The following UPP2 variants were observed in gnomAD, a reference collection of about 807,000 sequenced individuals.
UPP2 encodes the protein uridine phosphorylase 2, also known as UPase 2.
In UPP2, 23 loss-of-function variants were observed where a neutral mutation model predicts 26.7. The ratio of observed to expected loss-of-function variants is 0.86; its 90% CI spans 0.62 to 1.22. UPP2 has a LOEUF of 1.22. UPP2 is among the 50% of genes most tolerant of loss of function. The pLI is 0.00. For synonymous variants in UPP2, 127 were observed against 141.3 expected, an observed-to-expected ratio of 0.90 and a Z score of 0.72; for missense variants, 387 against 396.7, an observed-to-expected ratio of 0.98 and a Z score of 0.21.
chr2:158,054,476 A>G (rs906939613), intron 3 of UPP2, among the ~76,000 whole-genome samples: 61 of 151,958 alleles, frequency 4.0e-4, no homozygotes, highest in African/African-American at 1.4e-3. Context: ...CCCTTGGAGA[A>G]TCATGGGCTT....
intron 5 of UPP2, 29 bp from the exon 6 acceptor site, chr2:158,123,720 G>A: frequency 6.2e-7 from 1 of 1,605,512 alleles, no homozygotes; most frequent in South Asian, 1.1e-5. Flanking sequence ...GGGACATCAA[G>A]TCACTAAACG....
intron 3 of UPP2, among the ~76,000 whole-genome samples, chr2:158,064,635 T>C (rs1351473577): frequency 2.0e-5 from 3 of 152,224 alleles, no homozygotes; most frequent in Admixed American, 2.0e-4. Flanking sequence ...CCATTGCTTT[T>C]GGTGTTTTAG....
intron 4 of UPP2, 145 bp downstream of exon 4, chr2:158,118,083 A>G (rs1574303796): frequency 2.1e-5 from 14 of 662,194 alleles, no homozygotes; most frequent in Middle Eastern, 8.4e-4. Flanking sequence ...AAACTTAAGG[A>G]AATCTGCCCA....
chr2:158,074,720 C>T (rs1682602544), intron 3 of UPP2, among the ~76,000 whole-genome samples: 1 of 151,468 alleles, frequency 6.6e-6, no homozygotes, highest in Non-Finnish European at 1.5e-5. Context: ...CACACACACA[C>T]ACACACAGAA....
intron 3 of UPP2, among the ~76,000 whole-genome samples, chr2:158,095,443 C>A (rs978733721): frequency 1.3e-5 from 2 of 152,142 alleles, no homozygotes; most frequent in Admixed American, 6.5e-5. Flanking sequence ...CTTCAACACC[C>A]AGATCAAATT....
chr2:158,100,905 TG>T (rs1207920390), upstream of UPP2, among the ~76,000 whole-genome samples: 2 of 152,132 alleles, frequency 1.3e-5, no homozygotes, highest in African/African-American at 2.4e-5. Flanking sequence ...AGGAGGCCAG[TG>T]GGGCATTCAA....
chr2:158,016,166 T>C (rs1386671173), intron 3 of UPP2, among the ~76,000 whole-genome samples: 2 of 151,986 alleles, frequency 1.3e-5, no homozygotes, highest in Admixed American at 6.6e-5. Flanking sequence ...TAAATTACTT[T>C]TTCTTGATGT....
intron 3 of UPP2, among the ~76,000 whole-genome samples, chr2:158,025,449 G>C (rs1683819418): frequency 6.6e-6 from 1 of 152,114 alleles, no homozygotes; most frequent in African/African-American, 2.4e-5. Context: ...GCAGCTACAG[G>C]GGAGGGAAGC....
At chr2:158,033,321 C>CA (rs989689017) in intron 3 of UPP2, among the ~76,000 whole-genome samples, 42 of 152,118 alleles carry the variant, frequency 2.8e-4, no homozygotes, top group African/African-American at 9.9e-4. Flanking sequence ...GCCCTGGCGG[C>CA]AAAAAGGCTT....
intron 2 of UPP2, among the ~76,000 whole-genome samples, chr2:158,110,892 C>T (rs572973445): frequency 3.3e-5 from 5 of 152,174 alleles, no homozygotes; most frequent in African/African-American, 1.2e-4. Context: ...GAGTTCTTTG[C>T]AGATTCTGGA....
upstream of UPP2, among the ~76,000 whole-genome samples, chr2:158,101,598 T>A (rs1166268911): frequency 6.6e-6 from 1 of 152,214 alleles, no homozygotes; most frequent in African/African-American, 2.4e-5. Flanking sequence ...GGACACAGTT[T>A]TGAGAAGACC....
At chr2:158,021,185 A>G (rs1390306213) in intron 3 of UPP2, among the ~76,000 whole-genome samples, 1 of 152,250 alleles carries the variant, frequency 6.6e-6, no homozygotes, top group Non-Finnish European at 1.5e-5. Flanking sequence ...AATAGTCTCC[A>G]TGCAGTAATA....
At chr2:158,047,910 G>A (rs1319237300) in intron 3 of UPP2, among the ~76,000 whole-genome samples, 1 of 152,078 alleles carries the variant, frequency 6.6e-6, no homozygotes, top group Non-Finnish European at 1.5e-5. Context: ...GATTTATTAG[G>A]ATATTTGTTT....
intron 3 of UPP2, among the ~76,000 whole-genome samples, chr2:158,076,837 A>C (rs1465088944): frequency 6.6e-6 from 1 of 152,096 alleles, no homozygotes; most frequent in Non-Finnish European, 1.5e-5. Context: ...AGAGAAGAGA[A>C]AGATATAAAG....
At chr2:158,133,902 A>C (rs2105236674) in intron 6 of UPP2, 1 of 152,388 alleles carries the variant, frequency 6.6e-6, no homozygotes, top group East Asian at 1.9e-4. Flanking sequence ...CAAAGTGGCT[A>C]ACACTGATTT....
intron 3 of UPP2, among the ~76,000 whole-genome samples, chr2:158,058,024 G>C (rs1311400769): frequency 6.6e-6 from 1 of 152,092 alleles, no homozygotes; most frequent in East Asian, 1.9e-4. Flanking sequence ...TGGGCGCAGT[G>C]GCTCACTCCT....
At chr2:158,119,795 A>G (rs1262783143) in intron 4 of UPP2, among the ~76,000 whole-genome samples, 2 of 151,910 alleles carry the variant, frequency 1.3e-5, no homozygotes, top group Non-Finnish European at 2.9e-5. Context: ...GGATCACTTG[A>G]GGCCAGGAGT....
intron 3 of UPP2, among the ~76,000 whole-genome samples, chr2:158,043,282 A>G (rs1684105776): frequency 2.6e-5 from 4 of 152,222 alleles, no homozygotes; most frequent in Non-Finnish European, 4.4e-5. Context: ...TCTGCAGGCT[A>G]TAATCCTGCT....
intron 3 of UPP2, among the ~76,000 whole-genome samples, chr2:158,027,364 T>G (rs748680343): frequency 6.6e-6 from 1 of 152,172 alleles, no homozygotes; most frequent in Non-Finnish European, 1.5e-5. Flanking sequence ...ACAGGACCCA[T>G]GCAAGTCCGA....
Sources: gnomAD v4.1 joint callset for allele counts (sites outside exome capture counted in the v4.1 genomes callset) on GRCh38, gnomAD v4.1.1 for gene constraint, MANE v1.5 for transcripts, NCBI Gene and HGNC (gene_info 2026-07-23, HGNC 2026-07-21) for gene names.